ZC3H12C: variants seen among roughly 807,000 people sequenced by gnomAD.
ZC3H12C encodes zinc finger CCCH-type containing 12C.
In ZC3H12C, 20 loss-of-function variants were observed where a neutral mutation model predicts 76.3. The observed-to-expected ratio is 0.26, with a 90% CI of 0.18 to 0.38. ZC3H12C has a LOEUF of 0.38. Ranked by LOEUF, ZC3H12C falls within the 10% of genes least tolerant of loss-of-function variation. The pLI is 1.00. For missense variants in ZC3H12C, 874 were observed against 1,086.5 expected (o/e 0.80, Z 2.75); for synonymous variants, 352 against 399.6 (o/e 0.88, Z 1.42).
At chr11:110,149,364 A>G (rs1239877852) in intron 2 of ZC3H12C, among the ~76,000 whole-genome samples, 1 of 152,230 alleles carries the variant, frequency 6.6e-6, no homozygotes, top group African/African-American at 2.4e-5. Flanking sequence ...GATGAAAGGC[A>G]GTTGCCAATT....
chr11:110,163,186 A>G (rs1370039905), intron 4 of ZC3H12C, 87 bp from the exon 5 acceptor site: 1 of 1,187,936 alleles, frequency 8.4e-7, no homozygotes, highest in African/African-American at 1.6e-5. Context: ...AAAATTCCTT[A>G]TAGAGGGAAC....
At chr11:110,133,606 GT>G (rs1354010719) in intron 1 of ZC3H12C, among the ~76,000 whole-genome samples, 11 of 152,034 alleles carry the variant, frequency 7.2e-5, no homozygotes, top group African/African-American at 2.7e-4. Context: ...ACTTAAAATT[GT>G]GTGCAAATTA....
chr11:110,125,307 GTGTGTGTGTGTGT>G (rs1861721770), intron 1 of ZC3H12C, among the ~76,000 whole-genome samples: 1 of 92,830 alleles, frequency 1.1e-5, no homozygotes, highest in Non-Finnish European at 2.4e-5. Flanking sequence ...GTGTGTGTGT[GTGTGTGTGTGTGT>G]GGTTTTTTTT....
At chr11:110,118,321 C>T (rs544996416) in intron 1 of ZC3H12C, among the ~76,000 whole-genome samples, 111 of 151,894 alleles carry the variant, frequency 7.3e-4, no homozygotes, top group Non-Finnish European at 1.2e-3. Context: ...CCAAGCGCCT[C>T]GGTGAAACAC....
chr11:110,127,128 G>T (rs372617191), intron 1 of ZC3H12C, among the ~76,000 whole-genome samples: 1 of 152,154 alleles, frequency 6.6e-6, no homozygotes. Context: ...AATGTCTAAC[G>T]CTTTCAACAG....
At chr11:110,118,027 ATATTAT>A (rs1388522593) in intron 1 of ZC3H12C, among the ~76,000 whole-genome samples, 3 of 102,298 alleles carry the variant, frequency 2.9e-5, no homozygotes, top group African/African-American at 6.8e-5. Flanking sequence ...ACACACATAT[ATATTAT>A]ATATATATAC....
At chr11:110,157,285 T>G (rs1002367759) in intron 3 of ZC3H12C, among the ~76,000 whole-genome samples, 1 of 152,152 alleles carries the variant, frequency 6.6e-6, no homozygotes, top group Non-Finnish European at 1.5e-5. Flanking sequence ...CTAGCTGCTT[T>G]GCCGCAAGAT....
intron 2 of ZC3H12C, among the ~76,000 whole-genome samples, chr11:110,145,454 C>T (rs1862147011): frequency 6.6e-6 from 1 of 152,088 alleles, no homozygotes; most frequent in African/African-American, 2.4e-5. Flanking sequence ...TTCCTTTTAC[C>T]TGAAACTGAG....
chr11:110,159,552 A>G (rs921446410), intron 4 of ZC3H12C, 62 bp downstream of exon 4: 15 of 1,364,636 alleles, frequency 1.1e-5, no homozygotes, highest in Middle Eastern at 2.5e-4. Context: ...TATCCCTGGC[A>G]GCTGCTACAG....
intron 1 of ZC3H12C, among the ~76,000 whole-genome samples, chr11:110,134,638 T>G (rs1316562727): frequency 6.6e-6 from 1 of 152,114 alleles, no homozygotes; most frequent in East Asian, 1.9e-4. Context: ...TAGGAAAAAA[T>G]TGAAGTGGAT....
intron 1 of ZC3H12C, among the ~76,000 whole-genome samples, chr11:110,135,449 C>T (rs952622639): frequency 4.2e-5 from 6 of 142,180 alleles, no homozygotes; most frequent in Admixed American, 7.5e-5. Flanking sequence ...GAGATTACAC[C>T]GCTGCACTCC....
chr11:110,141,928 G>A (rs1360842977), intron 2 of ZC3H12C, among the ~76,000 whole-genome samples: 2 of 152,172 alleles, frequency 1.3e-5, no homozygotes, highest in East Asian at 3.9e-4. Context: ...AACTATATAT[G>A]TGACTCACAT....
chr11:110,109,992 A>G (rs755873903), intron 1 of ZC3H12C, among the ~76,000 whole-genome samples: 7 of 152,162 alleles, frequency 4.6e-5, no homozygotes, highest in African/African-American at 7.2e-5. Context: ...TTATTTTTCA[A>G]AAGTTACAGG....
intron 3 of ZC3H12C, among the ~76,000 whole-genome samples, chr11:110,153,785 G>A (rs1199916320): frequency 6.6e-6 from 1 of 152,176 alleles, no homozygotes; most frequent in East Asian, 1.9e-4. Flanking sequence ...AAAAAGACAT[G>A]TAAGACCATA....
intron 1 of ZC3H12C, among the ~76,000 whole-genome samples, chr11:110,108,585 G>C (rs1861373150): frequency 6.6e-6 from 1 of 152,136 alleles, no homozygotes; most frequent in South Asian, 2.1e-4. Context: ...CTATTCTTAA[G>C]TTACTAAAAT....
At position 110,170,402 on chromosome 11, in the gene ZC3H12C, G is replaced by A. The variant is rs1391246292; in HGVS notation, c.*4665G>A. 2.6e-5 allele frequency: 4 copies of A among 151,924 alleles called. No individual in the cohort carries two copies. Among genetic ancestry groups the A allele is most frequent in the Non-Finnish European group, 4.4e-5 (3 of 67,944 alleles). 9.4% of individuals were successfully genotyped at this position (151,924 alleles called of 1,614,324 possible). On this transcript the variant is annotated 3_prime_UTR_variant, in exon 6 of 6. Coordinates refer to ENST00000278590, the MANE Select transcript of ZC3H12C (RefSeq NM_033390.2). ...CCAGTTACATTTTTCCATTGGTTTT[G>A]GCTTCTAATAAATAACATATCTGCC...
intron 3 of ZC3H12C, among the ~76,000 whole-genome samples, chr11:110,158,232 G>A (rs1325402106): frequency 6.6e-6 from 1 of 152,184 alleles, no homozygotes; most frequent in South Asian, 2.1e-4. Flanking sequence ...CCAACCAGCC[G>A]GGCACGGTGG....
At chr11:110,108,072 C>T (rs1228290907) in intron 1 of ZC3H12C, among the ~76,000 whole-genome samples, 4 of 151,866 alleles carry the variant, frequency 2.6e-5, no homozygotes, top group Non-Finnish European at 2.9e-5. Context: ...CTCAGCCTCC[C>T]GAGTAGCTGG....
chr11:110,114,504 A>C (rs1311724583), intron 1 of ZC3H12C, among the ~76,000 whole-genome samples: 1 of 152,204 alleles, frequency 6.6e-6, no homozygotes, highest in Admixed American at 6.5e-5. Context: ...TTAACTAAGC[A>C]TCATCTCTTT....
Sources: gnomAD v4.1 joint callset for allele counts (sites outside exome capture counted in the v4.1 genomes callset) on GRCh38, gnomAD v4.1.1 for gene constraint, MANE v1.5 for transcripts, NCBI Gene and HGNC (gene_info 2026-07-23, HGNC 2026-07-21) for gene names.